The following ST8SIA6 variants were observed in gnomAD, a reference collection of about 807,000 sequenced individuals.
ST8SIA6 encodes the protein alpha-2,8-sialyltransferase 8F.
A neutral mutation model predicts 33.6 loss-of-function variants in ST8SIA6; 39 were observed. The ratio of observed to expected loss-of-function variants is 1.16; its 90% CI spans 0.90 to 1.52. The LOEUF (loss-of-function observed/expected upper bound fraction) is 1.52. Ranked by LOEUF, ST8SIA6 falls within the 40% of genes most tolerant of loss-of-function variation. The pLI is 0.00. For missense variants in ST8SIA6, 441 were observed against 443.8 expected (o/e 0.99, Z 0.06); for synonymous variants, 172 against 167.2 (o/e 1.03, Z -0.22).
intron 7 of ST8SIA6, 37 bp from the exon 8 acceptor site, chr10:17,321,383 A>T: frequency 6.6e-7 from 1 of 1,508,126 alleles, no homozygotes; most frequent in Non-Finnish European, 8.9e-7. Context: ...AATCCCAAGA[A>T]TAATAATCAA....
chr10:17,351,887 A>C (rs903877594), intron 4 of ST8SIA6, among the ~76,000 whole-genome samples: 4 of 152,172 alleles, frequency 2.6e-5, no homozygotes, highest in African/African-American at 9.6e-5. Context: ...TGGTGGTTAC[A>C]ACAGGTTGGG....
At chr10:17,368,645 G>A (rs1019775101) in intron 3 of ST8SIA6, among the ~76,000 whole-genome samples, 4 of 152,122 alleles carry the variant, frequency 2.6e-5, no homozygotes, top group Non-Finnish European at 5.9e-5. Context: ...CTGAGAGGTG[G>A]TAATTGAGCA....
chr10:17,453,553 C>A lies in ST8SIA6; in HGVS notation c.200+6G>T. On this transcript the variant is annotated splice_donor_region_variant and intron_variant, in intron 2 of 7. Transcript: ENST00000377602. ...CCCAGTCCGCCCGCGCTGGGCGCCG[C>A]TGTACCTGTTAGTGGCGCGCGGTAC... 1 of 1,316,848 alleles carries A rather than the reference C, an allele frequency of 7.6e-7. No individual in the cohort carries two copies. The highest frequency in any genetic ancestry group is 9.8e-7 in the Non-Finnish European group (1 of 1,025,162). 81.6% of individuals were successfully genotyped at this position (1,316,848 alleles called of 1,614,324 possible). A position where few individuals can be genotyped will look rare whatever the true frequency, so the allele number is the denominator to read the frequency against.
At chr10:17,327,987 A>G (rs1297278675) in intron 5 of ST8SIA6, among the ~76,000 whole-genome samples, 1 of 152,162 alleles carries the variant, frequency 6.6e-6, no homozygotes, top group African/African-American at 2.4e-5. Flanking sequence ...CTTGAGAGAA[A>G]TAGACATCAT....
chr10:17,356,884 A>G (rs1480817752), intron 4 of ST8SIA6, among the ~76,000 whole-genome samples: 1 of 152,190 alleles, frequency 6.6e-6, no homozygotes, highest in East Asian at 1.9e-4. Context: ...CTGGATTTGA[A>G]GAGACTGATT....
At chr10:17,398,446 C>G (rs1351604978) in intron 2 of ST8SIA6, among the ~76,000 whole-genome samples, 2 of 152,134 alleles carry the variant, frequency 1.3e-5, no homozygotes, top group Non-Finnish European at 2.9e-5. Context: ...ACAAAGACCT[C>G]TAAAACATAG....
At chr10:17,369,366 A>G (rs1849659878) in intron 3 of ST8SIA6, among the ~76,000 whole-genome samples, 1 of 152,156 alleles carries the variant, frequency 6.6e-6, no homozygotes, top group Non-Finnish European at 1.5e-5. Context: ...ATTCTCACCC[A>G]TTTGTGAGTT....
At chr10:17,396,731 C>G (rs1300151743) in intron 2 of ST8SIA6, among the ~76,000 whole-genome samples, 1 of 152,176 alleles carries the variant, frequency 6.6e-6, no homozygotes, top group Non-Finnish European at 1.5e-5. Context: ...AAATCAAAAA[C>G]AAACGAAATC....
At chr10:17,338,031 C>CTTTTTTTTT in intron 4 of ST8SIA6, among the ~76,000 whole-genome samples, 1 of 131,466 alleles carries the variant, frequency 7.6e-6, no homozygotes, top group Non-Finnish European at 1.6e-5. Flanking sequence ...AAATACTATT[C>CTTTTTTTTT]TTTTTTTTTT....
At position 17,386,369 on chromosome 10, in the gene ST8SIA6, C is replaced by T. The variant is rs1850347618; in HGVS notation, c.290+4162G>A. On this transcript the variant is annotated intron_variant, in intron 3 of 7. Coordinates refer to ENST00000377602, the MANE Select transcript of ST8SIA6 (RefSeq NM_001004470.3). ...GCCTGGCCAATATGGTGAAACCCTG[C>T]CTCTACTAATAACACAAAAATTAGC... Among the ~76,000 whole-genome samples, 5 of 151,656 alleles carry T rather than the reference C, an allele frequency of 3.3e-5. No individual in the cohort carries two copies. In the South Asian group the frequency reaches 1.1e-3, roughly 32 times the overall value.
chr10:17,344,403 G>A (rs1318491494), intron 4 of ST8SIA6, among the ~76,000 whole-genome samples: 1 of 152,216 alleles, frequency 6.6e-6, no homozygotes, highest in Non-Finnish European at 1.5e-5. Context: ...CATCTCACAT[G>A]GTGGCAGGCA....
At chr10:17,386,846 T>TGGGTCTTCAGAACAGCTCTCTCC (rs1850376942) in intron 3 of ST8SIA6, 1 of 152,318 alleles carries the variant, frequency 6.6e-6, no homozygotes, top group Non-Finnish European at 1.5e-5. Context: ...GGCCTCTCTC[T>TGGGTCTTCAGAACAGCTCTCTCC]GGGTCTTCAG....
intron 2 of ST8SIA6, among the ~76,000 whole-genome samples, chr10:17,394,101 A>T (rs1850717818): frequency 6.6e-6 from 1 of 152,220 alleles, no homozygotes; most frequent in African/African-American, 2.4e-5. Flanking sequence ...GTAGGCACCA[A>T]TAGGATTGTG....
chr10:17,399,686 G>T (rs574665373), intron 2 of ST8SIA6, among the ~76,000 whole-genome samples: 36 of 152,204 alleles, frequency 2.4e-4, no homozygotes, highest in African/African-American at 7.7e-4. Flanking sequence ...GGAGGCAGAG[G>T]TAGGGGAGGG....
intron 4 of ST8SIA6, among the ~76,000 whole-genome samples, chr10:17,346,614 C>A (rs996019812): frequency 9.2e-5 from 14 of 151,990 alleles, no homozygotes; most frequent in African/African-American, 2.2e-4. Flanking sequence ...ACAACAACAA[C>A]AAAAAAATTC....
chr10:17,357,966 T>G (rs978158790), intron 4 of ST8SIA6, among the ~76,000 whole-genome samples: 3 of 152,212 alleles, frequency 2.0e-5, no homozygotes, highest in Admixed American at 6.5e-5. Context: ...AGGTTATGAT[T>G]GTGCAATTTT....
chr10:17,387,248 C>A (rs1850403841), intron 3 of ST8SIA6, among the ~76,000 whole-genome samples: 1 of 130,920 alleles, frequency 7.6e-6, no homozygotes, highest in African/African-American at 3.3e-5. Context: ...GAAAAGAAAA[C>A]AATAATTTTT....
At chr10:17,438,517 G>A (rs769474588) in intron 2 of ST8SIA6, among the ~76,000 whole-genome samples, 2 of 151,844 alleles carry the variant, frequency 1.3e-5, no homozygotes, top group Non-Finnish European at 2.9e-5. Context: ...AGTCCAAATA[G>A]GACACATATC....
At chr10:17,394,748 C>T (rs1302695098) in intron 2 of ST8SIA6, among the ~76,000 whole-genome samples, 6 of 152,198 alleles carry the variant, frequency 3.9e-5, no homozygotes, top group Non-Finnish European at 8.8e-5. Context: ...CAGATCCCAT[C>T]TAAGAGGTTG....
Sources: gnomAD v4.1 joint callset for allele counts (sites outside exome capture counted in the v4.1 genomes callset) on GRCh38, gnomAD v4.1.1 for gene constraint, MANE v1.5 for transcripts, NCBI Gene and HGNC (gene_info 2026-07-23, HGNC 2026-07-21) for gene names.